The following GRM4 variants were observed in gnomAD, a reference collection of about 807,000 sequenced individuals.
GRM4 encodes the protein glutamate metabotropic receptor 4.
Under a neutral mutation model 81.7 loss-of-function variants are expected in GRM4, and 28 were observed. The observed-to-expected ratio is 0.34, with a 90% CI of 0.25 to 0.47. The LOEUF is 0.47. Ranked by LOEUF, GRM4 falls within the 20% of genes least tolerant of loss-of-function variation. GRM4 has a pLI of 1.00. For missense variants in GRM4, 948 were observed against 1,290.0 expected, an observed-to-expected ratio of 0.73 and a Z score of 4.06; for synonymous variants, 488 against 528.8, an observed-to-expected ratio of 0.92 and a Z score of 1.06.
chr6:34,073,051 C>CACA (rs1767062525), intron 3 of GRM4, among the ~76,000 whole-genome samples: 2 of 73,650 alleles, frequency 2.7e-5, no homozygotes, highest in East Asian at 5.2e-4. Context: ...CACACACACA[C>CACA]ATCACCACAC....
intron 6 of GRM4, 42 bp downstream of exon 6, chr6:34,056,502 C>T: frequency 6.3e-7 from 1 of 1,575,076 alleles, no homozygotes; most frequent in Non-Finnish European, 8.7e-7. Context: ...CTCCCCGGCT[C>T]CTCCTAGAGC....
In GRM4 at chr6:34,034,172, A is replaced by G. The variant is rs1156971100; in HGVS notation, c.2442+1496T>C. ...GGCAGCTGCATTTGGACGTCTAATG[A>G]GCATCCCAAACTTAGCATGTCCAAA... On this transcript the variant is annotated intron_variant, in intron 9 of 10. Transcript: ENST00000538487. The surrounding 1 kb of genome is among the most constrained non-coding windows in gnomAD (Gnocchi z 4.0). Among the ~76,000 whole-genome samples the G allele has an allele frequency of 2.0e-5, 3 of 152,184 alleles. No individual in the cohort carries two copies. Among genetic ancestry groups the G allele is most frequent in the Non-Finnish European group, 4.4e-5 (3 of 68,040 alleles).
At chr6:34,066,751 T>C (rs1766487908) in intron 3 of GRM4, among the ~76,000 whole-genome samples, 1 of 151,828 alleles carries the variant, frequency 6.6e-6, no homozygotes, top group Non-Finnish European at 1.5e-5. Flanking sequence ...AAAAAAATAA[T>C]CAGAATCAAG....
chr6:34,041,436 C>T (rs1483950671), intron 6 of GRM4, among the ~76,000 whole-genome samples: 3 of 152,188 alleles, frequency 2.0e-5, no homozygotes, highest in African/African-American at 7.2e-5. Flanking sequence ...AAACCCATCC[C>T]CATGGGCTTC....
At chr6:34,061,713 A>G in intron 4 of GRM4, 180 bp downstream of exon 4, 1 of 594,108 alleles carries the variant, frequency 1.7e-6, no homozygotes, top group Admixed American at 2.7e-5. Flanking sequence ...GCCCCATAGC[A>G]GTAGCTTGTG....
In GRM4 at chr6:34,069,529, C is replaced by T. The variant is rs575412886; in HGVS notation, c.737-7501G>A. 1.2e-4 allele frequency among the ~76,000 whole-genome samples: 18 copies of T among 152,264 alleles called. No homozygotes were observed. The South Asian group carries it at 3.1e-3, about 26-fold the overall frequency. ...TCTGGGACTGCACAGAGGGCCAGGCCTAGTTCCCGTCACCTGTCACCCCTG... is the reference window on the plus strand; with the variant it reads ...TCTGGGACTGCACAGAGGGCCAGGCTTAGTTCCCGTCACCTGTCACCCCTG... On this transcript the variant is annotated intron_variant, in intron 3 of 10. Transcript: ENST00000538487. The surrounding 1 kb of genome is among the most constrained non-coding windows in gnomAD (Gnocchi z 6.4).
chr6:34,039,899 C>CG (rs1764913663), intron 8 of GRM4, among the ~76,000 whole-genome samples: 1 of 152,058 alleles, frequency 6.6e-6, no homozygotes, highest in African/African-American at 2.4e-5. Context: ...AGAGTCCCCC[C>CG]ATCCCCTCCT....
At position 34,059,470 on chromosome 6, in the gene GRM4, C is replaced by A; in HGVS notation, c.873-342G>T. On this transcript the variant is annotated intron_variant, in intron 4 of 10. Transcript: ENST00000538487. The surrounding 1 kb of genome is among the most constrained non-coding windows in gnomAD (Gnocchi z 5.7). ...CCACGTCTGACTCAGGCCCCACAAC[C>A]ACCTCTGCCCAGCCCCGGTCCCCTG... The A allele has an allele frequency of 2.8e-6, 1 of 351,982 alleles. No individual in the cohort carries two copies. The highest frequency in any genetic ancestry group is 5.4e-6 in the Non-Finnish European group (1 of 186,136). 21.8% of individuals were successfully genotyped at this position (351,982 alleles called of 1,614,324 possible).
intron 1 of GRM4, among the ~76,000 whole-genome samples, chr6:34,140,676 A>G (rs762181832): frequency 2.6e-4 from 39 of 152,166 alleles, no homozygotes; most frequent in Admixed American, 1.0e-3. Context: ...CCAACCATGC[A>G]GACCCCCAGG....
chr6:34,053,633 C>A (rs1198310809), intron 6 of GRM4, among the ~76,000 whole-genome samples: 1 of 152,170 alleles, frequency 6.6e-6, no homozygotes, highest in African/African-American at 2.4e-5. Context: ...TGATTTAGGG[C>A]ACCCTCCTGA....
In GRM4 at chr6:34,034,561, G is replaced by A. The variant is rs1184722434; in HGVS notation, c.2442+1107C>T. 1.3e-5 allele frequency among the ~76,000 whole-genome samples: 2 copies of A among 152,218 alleles called. No homozygotes were observed. Among genetic ancestry groups the A allele is most frequent in the Non-Finnish European group, 2.9e-5 (2 of 68,036 alleles). Reference sequence around the variant, plus strand: ...CTTCTCACTCATGGTAAAAGCCAATGTCATTGCCACCATCTGGCCTGTCAC... The same window carrying A: ...CTTCTCACTCATGGTAAAAGCCAATATCATTGCCACCATCTGGCCTGTCAC... On this transcript the variant is annotated intron_variant, in intron 9 of 10. Transcript: ENST00000538487. The surrounding 1 kb of genome is among the most constrained non-coding windows in gnomAD (Gnocchi z 4.0).
At chr6:34,039,855 G>A (rs1417770944) in intron 8 of GRM4, among the ~76,000 whole-genome samples, 5 of 133,032 alleles carry the variant, frequency 3.8e-5, no homozygotes, top group African/African-American at 1.4e-4. Flanking sequence ...AAAAGCCTTT[G>A]AGCCATTTCA....
chr6:34,056,398 T>C, intron 6 of GRM4, 146 bp downstream of exon 6: 4 of 550,660 alleles, frequency 7.3e-6, no homozygotes, highest in East Asian at 7.8e-5. Flanking sequence ...GCCTCCCAAC[T>C]CCACCCCAGG....
intron 2 of GRM4, among the ~76,000 whole-genome samples, chr6:34,096,236 G>A (rs1256879996): frequency 6.6e-6 from 1 of 152,164 alleles, no homozygotes; most frequent in Non-Finnish European, 1.5e-5. Context: ...CCAAGCACAG[G>A]CGTCCTGCTC....
In GRM4 at chr6:34,132,988, C is replaced by T. The variant is rs375789000; in HGVS notation, c.509G>A (p.Arg170His). 13 of 1,600,308 alleles carry T rather than the reference C, an allele frequency of 8.1e-6. No individual in the cohort carries two copies. The highest frequency in any genetic ancestry group is 2.7e-5 in the African/African-American group (2 of 74,764). ...SVSIMVANIL[R>H]LFKIPQISYA... ...AACCAAGGCACTGACCTTGAAGAGG[C>T]GAAGGATGTTGGCCACCATGATGGA... Residue 170 changes from arginine (R) to histidine (H), a missense_variant, in exon 2 of 11, where the codon CGC becomes CAC. Physicochemically the swap from Arg to His is conservative, Grantham distance 29. Coordinates refer to ENST00000538487, the MANE Select transcript of GRM4 (RefSeq NM_000841.4).
chr6:34,038,586 C>A (rs532448552), intron 8 of GRM4, among the ~76,000 whole-genome samples: 4 of 152,356 alleles, frequency 2.6e-5, no homozygotes, highest in South Asian at 4.1e-4. Context: ...GTTACAGGTA[C>A]CTTGCTTGCT....
chr6:34,070,117 G>A lies in GRM4; in HGVS notation c.737-8089C>T, dbSNP rs1766735622. Among the ~76,000 whole-genome samples the A allele has an allele frequency of 6.6e-6, 1 of 152,226 alleles. No homozygotes were observed. Among genetic ancestry groups the A allele is most frequent in the African/African-American group, 2.4e-5 (1 of 41,542 alleles). On this transcript the variant is annotated intron_variant, in intron 3 of 10. Coordinates refer to ENST00000538487, the MANE Select transcript of GRM4 (RefSeq NM_000841.4). This position sits in a 1 kb window ranked among gnomAD's most constrained non-coding sequence, Gnocchi z 4.6. ...CAGAGGCTCTGTAGGAGTTGGAGGT[G>A]AACACTCGCACCTGCTCACACGCTC...
intron 5 of GRM4, among the ~76,000 whole-genome samples, chr6:34,058,444 G>A (rs1225296697): frequency 2.0e-5 from 3 of 152,176 alleles, no homozygotes; most frequent in Non-Finnish European, 4.4e-5. Flanking sequence ...AGAGGGCCCA[G>A]GGAGCCTTCT....
chr6:34,107,608 G>C (rs1401384919), intron 2 of GRM4, among the ~76,000 whole-genome samples: 1 of 152,196 alleles, frequency 6.6e-6, no homozygotes, highest in Non-Finnish European at 1.5e-5. Context: ...ACCTGGAAGA[G>C]AGGTAGGCAA....
Sources: gnomAD v4.1 joint callset for allele counts (sites outside exome capture counted in the v4.1 genomes callset) on GRCh38, gnomAD v4.1.1 for gene constraint, Gnocchi (gnomAD v3.1) non-coding constraint, MANE v1.5 for transcripts, NCBI Gene and HGNC (gene_info 2026-07-23, HGNC 2026-07-21) for gene names.